Variants in LMAN1L observed in about 807,000 individuals in gnomAD.
The protein encoded by LMAN1L is lectin, mannose binding 1 like.
Under a neutral mutation model 58.3 loss-of-function variants are expected in LMAN1L, and 60 were observed. The ratio of observed to expected loss-of-function variants is 1.03; its 90% confidence interval spans 0.84 to 1.27. The LOEUF (loss-of-function observed/expected upper bound fraction) is 1.27, where lower values mean the gene tolerates loss of function less well. Ranked by LOEUF, LMAN1L falls within the 50% of genes most tolerant of loss-of-function variation. LMAN1L has a pLI of 0.00. For missense variants in LMAN1L, 629 were observed against 674.0 expected, an observed-to-expected ratio of 0.93 and a Z score of 0.74; for synonymous variants, 280 against 271.6, an observed-to-expected ratio of 1.03 and a Z score of -0.31.
At chr15:74,816,105 G>C in intron 1 of LMAN1L, 52 bp from the exon 2 acceptor site, 2 of 1,518,832 alleles carry the variant, frequency 1.3e-6, no homozygotes, top group South Asian at 2.4e-5. Context: ...AGAGAGTGAA[G>C]GGGGAGATGG....
intron 13 of LMAN1L, chr15:74,825,167 C>A: frequency 4.6e-6 from 1 of 218,778 alleles, no homozygotes. Context: ...TCCGTGTGGG[C>A]TGGGATGGTC....
intron 12 of LMAN1L, 133 bp from the exon 13 acceptor site, chr15:74,824,218 A>G: frequency 1.2e-6 from 1 of 813,594 alleles, no homozygotes; most frequent in South Asian, 1.7e-5. Context: ...CCCCTCTCCA[A>G]GTTCCCTGGA....
chr15:74,821,266 C>T (rs548046905), intron 9 of LMAN1L, 40 bp downstream of exon 9: 2 of 1,542,362 alleles, frequency 1.3e-6, no homozygotes, highest in African/African-American at 1.4e-5. Flanking sequence ...CACCTGCGGG[C>T]CTGAAAGAGG....
chr15:74,815,172 G>A (rs2063884854), intron 1 of LMAN1L, among the ~76,000 whole-genome samples: 1 of 152,248 alleles, frequency 6.6e-6, no homozygotes, highest in Non-Finnish European at 1.5e-5. Context: ...GGCCTTGTAA[G>A]GCTGAAAGCC....
At chr15:74,824,562 C>G in intron 13 of LMAN1L, 84 bp downstream of exon 13, 8 of 1,495,684 alleles carry the variant, frequency 5.3e-6, no homozygotes, top group Non-Finnish European at 7.4e-6. Context: ...GGAGAGGGGA[C>G]ACTTCAGCTC....
intron 10 of LMAN1L, 44 bp downstream of exon 10, chr15:74,821,944 T>G: frequency 1.5e-6 from 2 of 1,371,082 alleles, no homozygotes; most frequent in Non-Finnish European, 1.0e-6. Flanking sequence ...TGGCCCCAGC[T>G]TGGCTGGTGC....
intron 3 of LMAN1L, 33 bp from the exon 4 acceptor site, chr15:74,816,599 C>G (rs374529748): frequency 8.0e-5 from 128 of 1,605,696 alleles, no homozygotes; most frequent in Non-Finnish European, 1.1e-4. Flanking sequence ...CCCGCCATGT[C>G]CGCGGCTCAG....
At chr15:74,820,148 C>T (rs1305266934) in intron 7 of LMAN1L, 49 bp downstream of exon 7, 5 of 1,517,938 alleles carry the variant, frequency 3.3e-6, no homozygotes, top group Non-Finnish European at 4.6e-6. Context: ...GGGACCCTGC[C>T]CTCACCCATG....
At chr15:74,819,901 G>GAAGT in intron 6 of LMAN1L, 143 bp from the exon 7 acceptor site, 1 of 766,890 alleles carries the variant, frequency 1.3e-6, no homozygotes, top group Non-Finnish European at 2.3e-6. Context: ...CCTTTCCTAG[G>GAAGT]AAGTAAGCAA....
rs201554245 is a variant in LMAN1L, at chr15:74,820,063, C to T, written c.738C>T (p.Ser246=). The part of the protein sequence containing the change: ...GTLADDHDVL[S]FLTFSLSEPS... ...TTCCAGATGATCATGATGTCCTGTC[C>T]TTCCTGACCTTCAGCCTGAGTGAGC... The change falls in exon 7 of 14, where the codon TCC becomes TCT. Residue 246 remains serine (S), a synonymous_variant. Transcript: ENST00000309664. 9.2e-5 allele frequency: 148 copies of T among 1,614,150 alleles called. No individual in the cohort carries two copies. In the Admixed American group the frequency reaches 1.8e-3, roughly 20 times the overall value.
intron 7 of LMAN1L, 121 bp downstream of exon 7, chr15:74,820,220 C>T (rs1402821429): frequency 6.5e-6 from 6 of 920,128 alleles, no homozygotes; most frequent in Non-Finnish European, 1.1e-5. Context: ...GAGCTCTGCT[C>T]AGGCCAGACC....
At chr15:74,820,821 C>A in intron 8 of LMAN1L, 54 bp downstream of exon 8, 3 of 1,571,822 alleles carry the variant, frequency 1.9e-6, no homozygotes, top group Non-Finnish European at 2.6e-6. Context: ...ACAGCATCCT[C>A]CACCCTTATG....
In LMAN1L at chr15:74,823,681, C is replaced by T. The variant is rs199747236; in HGVS notation, c.1322C>T (p.Ala441Val). 4 of 1,612,820 alleles carry T rather than the reference C, an allele frequency of 2.5e-6. No individual in the cohort carries two copies. The highest frequency in any genetic ancestry group is 2.7e-5 in the African/African-American group (2 of 74,976). Reference protein sequence around the residue: ...GLLQEELRGPAKAAAKAPRPP... With the variant: ...GLLQEELRGPVKAAAKAPRPP... ...CTGCAGGAGGAGCTTCGGGGCCCGG[C>T]GGTGAGGGGAAAGTAGTGGGCAGCA... Residue 441 changes from alanine to valine, a missense_variant and splice_region_variant, in exon 12 of 14, where the codon GCG becomes GTG. Physicochemically the swap from Ala to Val is moderately conservative, Grantham distance 64. Transcript: ENST00000309664.
intron 10 of LMAN1L, among the ~76,000 whole-genome samples, chr15:74,822,279 T>C (rs973002685): frequency 5.8e-4 from 89 of 152,262 alleles, no homozygotes; most frequent in African/African-American, 2.1e-3. Context: ...GGCAGAAGAA[T>C]CGCTTGAACC....
At chr15:74,816,052 G>C in intron 1 of LMAN1L, 105 bp from the exon 2 acceptor site, 1 of 1,361,918 alleles carries the variant, frequency 7.3e-7, no homozygotes, top group Admixed American at 2.3e-5. Flanking sequence ...GTAGGCCTTG[G>C]CATTGTCGCC....
intron 1 of LMAN1L, among the ~76,000 whole-genome samples, chr15:74,815,069 C>G (rs569792115): frequency 6.6e-6 from 1 of 152,240 alleles, no homozygotes; most frequent in Admixed American, 6.5e-5. Context: ...TTCATTCATT[C>G]GTTCACCCTG....
At chr15:74,816,762 C>T in intron 4 of LMAN1L, 72 bp downstream of exon 4, 2 of 1,447,288 alleles carry the variant, frequency 1.4e-6, no homozygotes, top group Middle Eastern at 1.8e-4. Flanking sequence ...CCCATCCGAG[C>T]CCCTGCCCCA....
chr15:74,816,579 C>T (rs1402455925), intron 3 of LMAN1L, 45 bp downstream of exon 3: 1 of 1,591,592 alleles, frequency 6.3e-7, no homozygotes, highest in Non-Finnish European at 8.6e-7. Flanking sequence ...CCCGCTCACA[C>T]CCTCCCCCTC....
intron 4 of LMAN1L, among the ~76,000 whole-genome samples, chr15:74,816,915 G>A (rs1475567460): frequency 6.6e-6 from 1 of 152,202 alleles, no homozygotes; most frequent in African/African-American, 2.4e-5. Flanking sequence ...CCTGTGATGA[G>A]TATCTTTGCT....
Sources: gnomAD v4.1 joint callset for allele counts (sites outside exome capture counted in the v4.1 genomes callset) on GRCh38, gnomAD v4.1.1 for gene constraint, MANE v1.5 for transcripts, NCBI Gene and HGNC (gene_info 2026-07-23, HGNC 2026-07-21) for gene names.